Variants in SPOCK2 observed in about 807,000 individuals in gnomAD.
The protein encoded by SPOCK2 is testican-2.
A neutral mutation model predicts 60.1 loss-of-function variants in SPOCK2; 39 were observed. That is an observed-to-expected ratio of 0.65 (90% confidence interval 0.50 to 0.85). The LOEUF (loss-of-function observed/expected upper bound fraction) is 0.85, where lower values mean the gene tolerates loss of function less well. Among genes scored for constraint, SPOCK2 ranks in the 40% least tolerant of loss-of-function variants. The pLI, the probability that SPOCK2 is intolerant of heterozygous loss-of-function variation, is 0.00. For synonymous variants in SPOCK2, 217 were observed against 231.5 expected (o/e 0.94, Z 0.57); for missense variants, 523 against 567.4 (o/e 0.92, Z 0.80).
chr10:72,085,767 C>G (rs1361362253), intron 1 of SPOCK2, among the ~76,000 whole-genome samples: 1 of 152,202 alleles, frequency 6.6e-6, no homozygotes, highest in Non-Finnish European at 1.5e-5. Flanking sequence ...AACCAAGGAG[C>G]ATATTTTCCA....
At position 72,088,135 on chromosome 10, in the gene SPOCK2, C is replaced by T; in HGVS notation, c.189+5G>A. ...GTCTCTGCCTTGGCAGCCCTGCGGA[C>T]TCACGTCTCGGAAGCGGTTCCAGTG... On this transcript the variant is annotated splice_donor_5th_base_variant and intron_variant, in intron 1 of 10. Coordinates refer to ENST00000373109, the MANE Select transcript of SPOCK2 (RefSeq NM_001244950.2). The T allele has an allele frequency of 6.2e-7, 1 of 1,611,918 alleles. No individual in the cohort carries two copies. The highest frequency in any genetic ancestry group is 8.5e-7 in the Non-Finnish European group (1 of 1,179,158).
chr10:72,082,366 T>C (rs944390907), intron 1 of SPOCK2, among the ~76,000 whole-genome samples: 6 of 152,208 alleles, frequency 3.9e-5, no homozygotes, highest in African/African-American at 1.4e-4. Context: ...CCACGGCTCT[T>C]AGAAGACCCA....
At chr10:72,081,778 C>G (rs1425011990) in intron 1 of SPOCK2, among the ~76,000 whole-genome samples, 2 of 152,154 alleles carry the variant, frequency 1.3e-5, no homozygotes, top group East Asian at 3.9e-4. Flanking sequence ...TTTGGGGTTC[C>G]GGAAGAGGAA....
chr10:72,062,654 G>A lies in SPOCK2; in HGVS notation c.*106C>T. On this transcript the variant is annotated 3_prime_UTR_variant, in exon 11 of 11. Transcript: ENST00000373109. The surrounding 1 kb of genome is among the most constrained non-coding windows in gnomAD (Gnocchi z 4.3). Reference sequence around the variant, plus strand: ...CTCACACTCCCAGTCCCCCCAGGTGGAGCAGGGTCCTTCTGACTGCATTTC... The same window carrying A: ...CTCACACTCCCAGTCCCCCCAGGTGAAGCAGGGTCCTTCTGACTGCATTTC... 1 of 1,511,218 alleles carries A rather than the reference G, an allele frequency of 6.6e-7. No individual in the cohort carries two copies. Among genetic ancestry groups the A allele is most frequent in the South Asian group, 1.3e-5 (1 of 76,416 alleles). 93.6% of individuals were successfully genotyped at this position (1,511,218 alleles called of 1,614,324 possible).
Position 72,088,229 on chromosome 10 carries a change from T to G in SPOCK2, c.100A>C (p.Thr34Pro). Residue 34 changes from threonine to proline, a missense_variant, in exon 1 of 11, where the codon ACC becomes CCC. By Grantham distance (38) the Thr-to-Pro change is conservative. Transcript: ENST00000373109. ...GDAKGLKEGE[T>P]PGNFMEDEQW... is the part of the protein sequence containing the mutation. ...TCGTCCTCCATGAAATTGCCGGGGG[T>G]CTCGCCCTCCTTGAGCCCCTTGGCG... 6.2e-7 allele frequency: 1 copy of G among 1,611,980 alleles called. No individual in the cohort carries two copies.
Position 72,080,061 on chromosome 10 carries a change from C to G in SPOCK2, c.190-7151G>C, listed in dbSNP as rs117356107. On this transcript the variant is annotated intron_variant, in intron 1 of 10. Coordinates refer to ENST00000373109, the MANE Select transcript of SPOCK2 (RefSeq NM_001244950.2). The stretch of plus-strand genomic sequence containing the variant: ...ACAGGACACCTGAACCCCGGGTTCT[C>G]TGGCACACACCCGGGGAGCCTAGGG... Among the ~76,000 whole-genome samples the G allele has an allele frequency of 5.4e-4, 82 of 152,244 alleles. No homozygotes were observed. The East Asian group carries it at 0.014, about 26-fold the overall frequency.
chr10:72,062,547 A>AC lies in SPOCK2; in HGVS notation c.*212dup. 1.2e-6 allele frequency: 1 copy of AC among 859,170 alleles called. No homozygotes were observed. Among genetic ancestry groups the AC allele is most frequent in the East Asian group, 2.7e-5 (1 of 37,214 alleles). 53.2% of individuals were successfully genotyped at this position (859,170 alleles called of 1,614,324 possible). On this transcript the variant is annotated 3_prime_UTR_variant, in exon 11 of 11. Transcript: ENST00000373109. The surrounding 1 kb of genome is among the most constrained non-coding windows in gnomAD (Gnocchi z 4.3). ...ATTTGTCAGCGCATGCCACACACAC[A>AC]CACACATACACACATGCATGCACAC...
intron 1 of SPOCK2, among the ~76,000 whole-genome samples, chr10:72,078,373 T>A (rs2131820188): frequency 6.6e-6 from 1 of 151,910 alleles, no homozygotes; most frequent in East Asian, 1.9e-4. Context: ...TAGCCGTGTG[T>A]GATGGCGGGC....
In SPOCK2 at chr10:72,072,559, G is replaced by C. The variant is rs912363107; in HGVS notation, c.199-11C>G. ...CTTGATATAGTCATCCTAGAGGACA[G>C]AGAGGGACAAGGGAGAAGGGAAAGG... On this transcript the variant is annotated splice_polypyrimidine_tract_variant and intron_variant, in intron 2 of 10. Transcript: ENST00000373109. 2 of 1,613,928 alleles carry C rather than the reference G, an allele frequency of 1.2e-6. No homozygotes were observed. The highest frequency in any genetic ancestry group is 8.5e-7 in the Non-Finnish European group (1 of 1,179,998).
chr10:72,066,680 G>A (rs76448813), intron 8 of SPOCK2, among the ~76,000 whole-genome samples: 4,885 of 152,140 alleles, frequency 0.032, 271 homozygotes, highest in African/African-American at 0.11. Flanking sequence ...ACAAAATCTG[G>A]ATCCGCCTGG....
chr10:72,086,202 T>C (rs1192559186), intron 1 of SPOCK2: 1 of 985,894 alleles, frequency 1.0e-6, no homozygotes, highest in Non-Finnish European at 1.2e-6. Flanking sequence ...CCATGAATCT[T>C]ACATGTGCAA....
chr10:72,065,606 G>A (rs1404954472), intron 8 of SPOCK2, among the ~76,000 whole-genome samples: 3 of 152,198 alleles, frequency 2.0e-5, no homozygotes, highest in Non-Finnish European at 4.4e-5. Context: ...GCGACCTTGG[G>A]AAGTCCCCAC....
Position 72,088,069 on chromosome 10 carries a change from C to T in SPOCK2, c.189+71G>A, listed in dbSNP as rs574719170. 3.2e-6 allele frequency: 5 copies of T among 1,566,738 alleles called. No individual in the cohort carries two copies. The South Asian group carries it at 5.7e-5, about 18-fold the overall frequency. Reference sequence around the variant, plus strand: ...GGGCTGCGACGTGCGGCGGCCGCTCCCGCAGACCCCGGAGCTCAATCCCCG... The same window carrying T: ...GGGCTGCGACGTGCGGCGGCCGCTCTCGCAGACCCCGGAGCTCAATCCCCG... On this transcript the variant is annotated intron_variant, in intron 1 of 10. Transcript: ENST00000373109.
rs951591507 is a variant in SPOCK2 at position 72,073,949 on chromosome 10, G to A, written c.190-1039C>T. Among the ~76,000 whole-genome samples, 5 of 152,238 alleles carry A rather than the reference G, an allele frequency of 3.3e-5. No homozygotes were observed. The South Asian group carries it at 1.0e-3, about 31-fold the overall frequency. On this transcript the variant is annotated intron_variant, in intron 1 of 10. Transcript: ENST00000373109. ...AGGAGGGGGCTTCCCAGGCCTGCAG[G>A]CTGGCAGTGACAAGGACCAGCTGCC...
chr10:72,088,180 T>G lies in SPOCK2; in HGVS notation c.149A>C (p.Gln50Pro). 2 of 1,613,152 alleles carry G rather than the reference T, an allele frequency of 1.2e-6. No individual in the cohort carries two copies. The highest frequency in any genetic ancestry group is 1.7e-6 in the Non-Finnish European group (2 of 1,179,694). The stretch of plus-strand genomic sequence containing the variant: ...CCAGTGCTTGATCTTGCCGCTGTAC[T>G]GCGAGATGGACGACAGCCATTGCTC... ...EDEQWLSSIS[Q>P]YSGKIKHWNR... The change falls in exon 1 of 11, where the codon CAG (glutamine) becomes CCG (proline). Residue 50 changes from glutamine (Q) to proline (P), a missense_variant. By Grantham distance (76) the Gln-to-Pro change is moderately conservative (BLOSUM62 -1). Coordinates refer to ENST00000373109, the MANE Select transcript of SPOCK2 (RefSeq NM_001244950.2).
chr10:72,065,326 G>A lies in SPOCK2; in HGVS notation c.929-1086C>T, dbSNP rs139941449. ...GCTGGGATTACAGGCGTGAGCCACC[G>A]CGCCCGGTCTATGTTTAGCTATGTT... is the stretch of plus-strand genomic sequence containing the variant. On this transcript the variant is annotated intron_variant, in intron 8 of 10. Transcript: ENST00000373109. Among the ~76,000 whole-genome samples, 2,152 of 152,288 alleles carry A rather than the reference G, an allele frequency of 0.014. 136 individuals carry two copies. In the East Asian group the frequency reaches 0.21, roughly 15 times the overall value.
In SPOCK2 at chr10:72,086,533, GC is replaced by G. The variant is rs1262972526; in HGVS notation, c.189+1606del. On this transcript the variant is annotated intron_variant, in intron 1 of 10. Coordinates refer to ENST00000373109, the MANE Select transcript of SPOCK2 (RefSeq NM_001244950.2). ...CCAGTGACACATGGATTCCGGATGG[GC>G]CGGCCTGCTGCCGCCCCCTCGCTGC... 70 of 1,136,892 alleles carry G rather than the reference GC, an allele frequency of 6.2e-5. 1 individual carries two copies. The Middle Eastern group carries it at 2.0e-3, about 33-fold the overall frequency. The allele number at this position is 1,136,892 out of a possible 1,614,324, so 70.4% of individuals were successfully genotyped here. A position where few individuals can be genotyped will look rare whatever the true frequency, so the allele number is the denominator to read the frequency against.
intron 5 of SPOCK2, chr10:72,068,649 C>A (rs1840605060): frequency 3.6e-6 from 1 of 274,704 alleles, no homozygotes; most frequent in African/African-American, 2.3e-5. Context: ...CTGTCTGTTG[C>A]CCCCCTGGCT....
intron 9 of SPOCK2, 86 bp downstream of exon 9, chr10:72,064,092 G>T: frequency 4.6e-6 from 7 of 1,524,944 alleles, no homozygotes; most frequent in Non-Finnish European, 6.2e-6. Context: ...TCTGCCATGA[G>T]GCCCAAGGCT....
Sources: gnomAD v4.1 joint callset for allele counts (sites outside exome capture counted in the v4.1 genomes callset) on GRCh38, gnomAD v4.1.1 for gene constraint, Gnocchi (gnomAD v3.1) non-coding constraint, MANE v1.5 for transcripts, NCBI Gene and HGNC (gene_info 2026-07-23, HGNC 2026-07-21) for gene names.